Variants in CNBD1 observed in about 807,000 individuals in gnomAD.
CNBD1 encodes cyclic nucleotide binding domain containing 1.
CNBD1 carries 71 observed loss-of-function variants against 54.4 expected under a neutral mutation model. The observed-to-expected ratio is 1.30, with a 90% CI of 1.08 to 1.59. The LOEUF is 1.59. Among genes scored for constraint, CNBD1 ranks in the 40% most tolerant of loss-of-function variants. The pLI, the probability that CNBD1 is intolerant of heterozygous loss-of-function variation, is 0.00. For synonymous variants in CNBD1, 182 were observed against 170.7 expected (o/e 1.07, Z -0.51); for missense variants, 659 against 518.0 (o/e 1.27, Z -2.64).
At chr8:87,095,167 G>A (rs75365210) in intron 4 of CNBD1, among the ~76,000 whole-genome samples, 2,027 of 152,262 alleles carry the variant, frequency 0.013, 45 homozygotes, top group African/African-American at 0.046. Context: ...GGTTAATTAC[G>A]TTTTCTACAG....
chr8:87,054,765 G>A (rs766435824), intron 4 of CNBD1, among the ~76,000 whole-genome samples: 2 of 152,194 alleles, frequency 1.3e-5, no homozygotes, highest in Non-Finnish European at 2.9e-5. Flanking sequence ...GGTTGCCTGA[G>A]GACCTCCTTC....
At chr8:87,092,505 G>GTGTGTGTGTGTATATATA (rs1811234333) in intron 4 of CNBD1, among the ~76,000 whole-genome samples, 4 of 122,538 alleles carry the variant, frequency 3.3e-5, no homozygotes, top group African/African-American at 1.7e-4. Context: ...GTATATATAT[G>GTGTGTGTGTGTATATATA]TGTGTGTGTG....
At chr8:87,081,104 T>C (rs182816569) in intron 4 of CNBD1, among the ~76,000 whole-genome samples, 207 of 152,228 alleles carry the variant, frequency 1.4e-3, no homozygotes, top group African/African-American at 4.6e-3. Flanking sequence ...CATTATTGAT[T>C]TGGAACTTTT....
chr8:86,943,493 TC>T (rs1016918617), intron 4 of CNBD1, among the ~76,000 whole-genome samples: 18 of 152,116 alleles, frequency 1.2e-4, no homozygotes, highest in Non-Finnish European at 2.5e-4. Flanking sequence ...CCACTTCATG[TC>T]AGCAGCTCTG....
chr8:87,250,625 G>T (rs1807896458), intron 6 of CNBD1, among the ~76,000 whole-genome samples: 1 of 152,140 alleles, frequency 6.6e-6, no homozygotes, highest in Admixed American at 6.6e-5. Context: ...TGTACATAAT[G>T]GGATATTATT....
At chr8:87,364,649 C>T (rs916426693) in intron 10 of CNBD1, among the ~76,000 whole-genome samples, 1 of 151,916 alleles carries the variant, frequency 6.6e-6, no homozygotes, top group Non-Finnish European at 1.5e-5. Context: ...TTCCCACCCT[C>T]CCCCTCTCTG....
chr8:87,195,108 C>T (rs2130788858), intron 4 of CNBD1, among the ~76,000 whole-genome samples: 1 of 152,078 alleles, frequency 6.6e-6, no homozygotes, highest in African/African-American at 2.4e-5. Flanking sequence ...TGGTTTCGAA[C>T]TCCTGACCTC....
chr8:87,302,423 T>C (rs2130883430), intron 8 of CNBD1, among the ~76,000 whole-genome samples: 1 of 150,248 alleles, frequency 6.7e-6, no homozygotes, highest in Non-Finnish European at 1.5e-5. Context: ...AAAAGGCCTT[T>C]GACAAAATTC....
intron 4 of CNBD1, among the ~76,000 whole-genome samples, chr8:86,982,924 C>G (rs574753462): frequency 6.6e-6 from 1 of 152,276 alleles, no homozygotes; most frequent in African/African-American, 2.4e-5. Flanking sequence ...TCTTTCTCCA[C>G]TTATTTAGAT....
intron 5 of CNBD1, among the ~76,000 whole-genome samples, chr8:87,236,716 T>C (rs554713672): frequency 1.3e-5 from 2 of 152,248 alleles, no homozygotes; most frequent in South Asian, 4.1e-4. Context: ...CTGAAAAGAA[T>C]ACTCCAAATG....
At chr8:87,413,232 G>A (rs921642789) in intron 2 of CNBD1, among the ~76,000 whole-genome samples, 2 of 152,154 alleles carry the variant, frequency 1.3e-5, no homozygotes, top group East Asian at 1.9e-4. Flanking sequence ...AGGCAGTATT[G>A]TGTGACTCAT....
chr8:86,957,274 T>C (rs1477238631), intron 4 of CNBD1, among the ~76,000 whole-genome samples: 1 of 152,206 alleles, frequency 6.6e-6, no homozygotes, highest in Non-Finnish European at 1.5e-5. Context: ...ATCAGGGATA[T>C]TGATCTAAAA....
At chr8:87,323,899 T>C (rs1809599989) in intron 8 of CNBD1, among the ~76,000 whole-genome samples, 2 of 137,534 alleles carry the variant, frequency 1.5e-5, no homozygotes, top group South Asian at 4.4e-4. Context: ...AAGGGAATGC[T>C]TCCAGTTTTT....
chr8:87,202,048 A>G (rs1363124789), intron 4 of CNBD1, among the ~76,000 whole-genome samples: 1 of 152,212 alleles, frequency 6.6e-6, no homozygotes, highest in African/African-American at 2.4e-5. Flanking sequence ...GTAATAACAA[A>G]TATATGTAGG....
intron 4 of CNBD1, among the ~76,000 whole-genome samples, chr8:87,131,452 C>T (rs973587127): frequency 6.6e-6 from 1 of 152,030 alleles, no homozygotes; most frequent in African/African-American, 2.4e-5. Context: ...CATTTTTTCT[C>T]ACTCCATTTT....
intron 8 of CNBD1, among the ~76,000 whole-genome samples, chr8:87,334,419 G>C (rs1809900123): frequency 6.6e-6 from 1 of 151,864 alleles, no homozygotes; most frequent in Non-Finnish European, 1.5e-5. Flanking sequence ...TCTCCTGCTA[G>C]CTTTTGGATT....
At chr8:87,371,244 G>T (rs1395294565) in intron 10 of CNBD1, among the ~76,000 whole-genome samples, 1 of 151,880 alleles carries the variant, frequency 6.6e-6, no homozygotes, top group Non-Finnish European at 1.5e-5. Context: ...CTTTAAAGTA[G>T]TTTTTTCCAT....
At chr8:86,892,805 C>G (rs190159359) in intron 2 of CNBD1, among the ~76,000 whole-genome samples, 3 of 152,022 alleles carry the variant, frequency 2.0e-5, no homozygotes, top group Admixed American at 1.3e-4. Flanking sequence ...TTTTCACTCA[C>G]AGGATGTTGG....
chr8:87,000,143 C>T (rs1808962469), intron 4 of CNBD1, among the ~76,000 whole-genome samples: 1 of 152,042 alleles, frequency 6.6e-6, no homozygotes, highest in South Asian at 2.1e-4. Flanking sequence ...CTAATAATCA[C>T]CATATGCTGA....
Sources: gnomAD v4.1 joint callset for allele counts (sites outside exome capture counted in the v4.1 genomes callset) on GRCh38, gnomAD v4.1.1 for gene constraint, MANE v1.5 for transcripts, NCBI Gene and HGNC (gene_info 2026-07-23, HGNC 2026-07-21) for gene names.